Variants in TANGO2 observed in about 807,000 individuals in gnomAD.
TANGO2 encodes transport and golgi organization 2 homolog.
Under a neutral mutation model 39.1 loss-of-function variants are expected in TANGO2, and 26 were observed. That is an observed-to-expected ratio of 0.67 (90% CI 0.49 to 0.92). The LOEUF (loss-of-function observed/expected upper bound fraction) is 0.92. TANGO2 is among the 40% of genes least tolerant of loss of function. The pLI, the probability that TANGO2 is intolerant of heterozygous loss-of-function variation, is 0.00. For missense variants in TANGO2, 326 were observed against 360.1 expected (o/e 0.91, Z 0.77); for synonymous variants, 131 against 144.5 (o/e 0.91, Z 0.67).
chr22:20,041,630 T>A (rs1182681087), intron 2 of TANGO2, among the ~76,000 whole-genome samples: 1 of 151,990 alleles, frequency 6.6e-6, no homozygotes, highest in African/African-American at 2.4e-5. Flanking sequence ...GTATTTTTAA[T>A]AGAGATGGGG....
intron 3 of TANGO2, among the ~76,000 whole-genome samples, chr22:20,047,142 C>T (rs1602146796): frequency 6.6e-6 from 1 of 152,074 alleles, no homozygotes; most frequent in Non-Finnish European, 1.5e-5. Flanking sequence ...AGGACAACAC[C>T]AAGCCGTTCA....
At chr22:20,034,403 T>G (rs895524570) in intron 1 of TANGO2, among the ~76,000 whole-genome samples, 1 of 152,250 alleles carries the variant, frequency 6.6e-6, no homozygotes, top group Non-Finnish European at 1.5e-5. Flanking sequence ...TTTCTGACTA[T>G]GTACTGCTTC....
At chr22:20,049,802 C>T (rs1299705660) in intron 3 of TANGO2, among the ~76,000 whole-genome samples, 2 of 152,134 alleles carry the variant, frequency 1.3e-5, no homozygotes, top group African/African-American at 4.8e-5. Context: ...GAAAAGCCCC[C>T]TGGGATTTTG....
In TANGO2 at chr22:20,064,908, TG is replaced by T; in HGVS notation, c.*247del. On this transcript the variant is annotated 3_prime_UTR_variant, in exon 9 of 9. Coordinates refer to ENST00000327374, the MANE Select transcript of TANGO2 (RefSeq NM_152906.7). The stretch of plus-strand genomic sequence containing the variant: ...GTCTAGGACCGGCCGAGGTATACCA[TG>T]AACATGTGGATACACCTGAGCCCAC... 2.0e-6 allele frequency: 1 copy of T among 503,308 alleles called. No homozygotes were observed. Among genetic ancestry groups the T allele is most frequent in the Non-Finnish European group, 3.6e-6 (1 of 279,970 alleles). 31.2% of individuals were successfully genotyped at this position (503,308 alleles called of 1,614,324 possible). A position where few individuals can be genotyped will look rare whatever the true frequency, so the allele number is the denominator to read the frequency against.
At chr22:20,058,830 T>C (rs886339146) in intron 6 of TANGO2, among the ~76,000 whole-genome samples, 9 of 152,074 alleles carry the variant, frequency 5.9e-5, no homozygotes, top group African/African-American at 2.2e-4. Context: ...AATAGAGTCA[T>C]ACATATTCAG....
chr22:20,035,970 C>T (rs1005887156), intron 1 of TANGO2, among the ~76,000 whole-genome samples: 3 of 152,156 alleles, frequency 2.0e-5, no homozygotes, highest in African/African-American at 7.2e-5. Context: ...ACTTTCCCCG[C>T]ACTTAGTTGC....
intron 3 of TANGO2, among the ~76,000 whole-genome samples, chr22:20,051,734 T>C (rs574920125): frequency 2.7e-4 from 41 of 151,794 alleles, no homozygotes; most frequent in African/African-American, 8.9e-4. Context: ...CTGCCTGTGG[T>C]CCCAGCTACT....
At chr22:20,053,734 G>T (rs768582993) in intron 5 of TANGO2, 183 bp downstream of exon 5, 2 of 640,760 alleles carry the variant, frequency 3.1e-6, no homozygotes, top group East Asian at 3.2e-5. Context: ...CGGGTATTTG[G>T]GGGTGAAGCC....
At chr22:20,026,125 C>T (rs184115406) in intron 1 of TANGO2, among the ~76,000 whole-genome samples, 36 of 152,278 alleles carry the variant, frequency 2.4e-4, no homozygotes, top group African/African-American at 7.7e-4. Context: ...CAAGGCTGGG[C>T]GGGGTGGCTC....
At chr22:20,049,985 G>A (rs368210090) in intron 3 of TANGO2, among the ~76,000 whole-genome samples, 12 of 152,124 alleles carry the variant, frequency 7.9e-5, no homozygotes, top group Non-Finnish European at 1.0e-4. Context: ...GAGGCGGGCC[G>A]ATCATGAGAT....
chr22:20,051,900 C>A (rs757391663), intron 3 of TANGO2, among the ~76,000 whole-genome samples: 10 of 152,146 alleles, frequency 6.6e-5, no homozygotes, highest in Non-Finnish European at 1.3e-4. Flanking sequence ...TTAATGACAG[C>A]CTTTTTTGCC....
intron 1 of TANGO2, among the ~76,000 whole-genome samples, chr22:20,025,915 C>T (rs2040651178): frequency 6.6e-6 from 1 of 152,214 alleles, no homozygotes; most frequent in Non-Finnish European, 1.5e-5. Flanking sequence ...AGGGTGACTA[C>T]TGCAGCATCA....
Position 20,052,513 on chromosome 22 carries a change from G to T in TANGO2, c.194G>T (p.Ser65Ile). The change falls in exon 4 of 9, where the codon AGC becomes ATC. Residue 65 changes from serine to isoleucine, a missense_variant. Coordinates refer to ENST00000327374, the MANE Select transcript of TANGO2 (RefSeq NM_152906.7). ...GAAGGAGGCACATGGCTGGGCATCA[G>T]CACACGTGGCAAGCTGGCAGCACTC... is the stretch of plus-strand genomic sequence containing the variant. ...GKEGGTWLGI[S>I]TRGKLAALTN... The T allele has an allele frequency of 6.2e-7, 1 of 1,606,736 alleles. No individual in the cohort carries two copies. The highest frequency in any genetic ancestry group is 8.5e-7 in the Non-Finnish European group (1 of 1,176,818).
At chr22:20,047,002 G>A (rs1490687917) in intron 3 of TANGO2, among the ~76,000 whole-genome samples, 1 of 152,176 alleles carries the variant, frequency 6.6e-6, no homozygotes, top group Non-Finnish European at 1.5e-5. Flanking sequence ...ACTGATGGTG[G>A]AAGGGGAAGG....
intron 2 of TANGO2, 197 bp downstream of exon 2, chr22:20,037,051 A>G: frequency 6.4e-7 from 1 of 1,550,612 alleles, no homozygotes. Flanking sequence ...GACTCCAGTC[A>G]ATGTACAAAG....
chr22:20,024,774 C>T (rs931564379), intron 1 of TANGO2, among the ~76,000 whole-genome samples: 26 of 152,194 alleles, frequency 1.7e-4, no homozygotes, highest in African/African-American at 5.8e-4. Flanking sequence ...TCCCCTCTGC[C>T]CATGTGCTAT....
chr22:20,036,813 CTTT>C lies in TANGO2; in HGVS notation c.16_18del (p.Phe6del). On this transcript the variant is annotated inframe_deletion, in exon 2 of 9. Transcript: ENST00000327374. ...CCTGCACCACCATGTGCATCATCTT[CTTT>C]AAGTTTGATCCTCGCCCTGTTTCCA... The C allele has an allele frequency of 6.2e-7, 1 of 1,614,252 alleles. No individual in the cohort carries two copies. The highest frequency in any genetic ancestry group is 1.1e-5 in the South Asian group (1 of 91,086).
chr22:20,052,957 C>T (rs2046664000), intron 4 of TANGO2, among the ~76,000 whole-genome samples: 1 of 152,120 alleles, frequency 6.6e-6, no homozygotes, highest in Admixed American at 6.5e-5. Context: ...GGGAGCATCC[C>T]ATTTCCCACA....
chr22:20,053,374 G>T (rs752545173), intron 4 of TANGO2, 63 bp from the exon 5 acceptor site: 1 of 1,221,712 alleles, frequency 8.2e-7, no homozygotes, highest in South Asian at 1.2e-5. Flanking sequence ...CCCCATATCA[G>T]TGTTCCTGGG....
Sources: gnomAD v4.1 joint callset for allele counts (sites outside exome capture counted in the v4.1 genomes callset) on GRCh38, gnomAD v4.1.1 for gene constraint, MANE v1.5 for transcripts, NCBI Gene and HGNC (gene_info 2026-07-23, HGNC 2026-07-21) for gene names.